The following TSPAN5 variants were observed in gnomAD, a reference collection of about 807,000 sequenced individuals.
TSPAN5 encodes the protein tetraspanin 5.
TSPAN5 carries 10 observed loss-of-function variants against 37.1 expected under a neutral mutation model. That is an observed-to-expected ratio of 0.27 (90% CI 0.17 to 0.46). The LOEUF (loss-of-function observed/expected upper bound fraction) is 0.46. Among genes scored for constraint, TSPAN5 ranks in the 20% least tolerant of loss-of-function variants. The pLI, the probability that TSPAN5 is intolerant of heterozygous loss-of-function variation, is 1.00. For missense variants in TSPAN5, 195 were observed against 326.6 expected (o/e 0.60, Z 3.11); for synonymous variants, 110 against 118.9 (o/e 0.93, Z 0.48).
chr4:98,515,993 G>T (rs148783739), intron 1 of TSPAN5, among the ~76,000 whole-genome samples: 1 of 152,216 alleles, frequency 6.6e-6, no homozygotes, highest in East Asian at 1.9e-4. Context: ...TTTCCTCTCC[G>T]TAACCTTATT....
intron 1 of TSPAN5, among the ~76,000 whole-genome samples, chr4:98,551,906 G>A (rs1019346609): frequency 2.6e-5 from 4 of 152,050 alleles, no homozygotes; most frequent in Non-Finnish European, 1.5e-5. Context: ...TCATTGGTCT[G>A]TGCAGGGCTT....
intron 1 of TSPAN5, among the ~76,000 whole-genome samples, chr4:98,514,679 C>G (rs1459210864): frequency 6.6e-6 from 1 of 152,158 alleles, no homozygotes; most frequent in Non-Finnish European, 1.5e-5. Context: ...GTGCACTCTG[C>G]CTGCTGAACC....
chr4:98,503,814 G>A (rs1753412017), intron 2 of TSPAN5, among the ~76,000 whole-genome samples: 1 of 152,176 alleles, frequency 6.6e-6, no homozygotes, highest in Non-Finnish European at 1.5e-5. Flanking sequence ...CTCAATAAAT[G>A]TTATCTGAAT....
intron 1 of TSPAN5, among the ~76,000 whole-genome samples, chr4:98,526,481 T>C (rs1753965527): frequency 6.6e-6 from 1 of 152,184 alleles, no homozygotes; most frequent in Non-Finnish European, 1.5e-5. Context: ...AGGGCTTCAG[T>C]GGGCAGGACA....
chr4:98,537,599 A>G (rs1324816456), intron 1 of TSPAN5, among the ~76,000 whole-genome samples: 1 of 152,196 alleles, frequency 6.6e-6, no homozygotes, highest in Non-Finnish European at 1.5e-5. Context: ...AGGTGTAATG[A>G]GCTTAGGTAA....
chr4:98,618,016 A>C (rs1756378337), intron 1 of TSPAN5, among the ~76,000 whole-genome samples: 1 of 152,226 alleles, frequency 6.6e-6, no homozygotes, highest in Non-Finnish European at 1.5e-5. Flanking sequence ...TCTGAACAGA[A>C]GGTGTGGAGC....
At chr4:98,565,464 C>T (rs1754982730) in intron 1 of TSPAN5, among the ~76,000 whole-genome samples, 1 of 152,060 alleles carries the variant, frequency 6.6e-6, no homozygotes. Context: ...AAAATATACA[C>T]AGTAGACCAC....
At chr4:98,561,238 A>G (rs1252047367) in intron 1 of TSPAN5, among the ~76,000 whole-genome samples, 1 of 152,262 alleles carries the variant, frequency 6.6e-6, no homozygotes, top group African/African-American at 2.4e-5. Flanking sequence ...TAACGTGGAA[A>G]GGGCCTGGGC....
chr4:98,629,976 G>A (rs920821756), intron 1 of TSPAN5, among the ~76,000 whole-genome samples: 14 of 152,276 alleles, frequency 9.2e-5, no homozygotes, highest in African/African-American at 3.4e-4. Flanking sequence ...ACATAACCAG[G>A]TAATAATAAT....
intron 1 of TSPAN5, among the ~76,000 whole-genome samples, chr4:98,611,798 G>A (rs1442176998): frequency 6.6e-6 from 1 of 152,218 alleles, no homozygotes; most frequent in Non-Finnish European, 1.5e-5. Context: ...GTCAAGAAAT[G>A]GGCCTGGTGA....
intron 1 of TSPAN5, among the ~76,000 whole-genome samples, chr4:98,603,767 A>G (rs1297343283): frequency 1.3e-5 from 2 of 152,168 alleles, no homozygotes; most frequent in Admixed American, 1.3e-4. Flanking sequence ...CTCCTTCACA[A>G]TGGAAAATAA....
At chr4:98,498,925 G>A (rs1161824552) in intron 2 of TSPAN5, among the ~76,000 whole-genome samples, 1 of 152,192 alleles carries the variant, frequency 6.6e-6, no homozygotes, top group Non-Finnish European at 1.5e-5. Flanking sequence ...GTATGTCCTG[G>A]AGAAAACACG....
intron 1 of TSPAN5, among the ~76,000 whole-genome samples, chr4:98,657,310 G>T (rs1012804939): frequency 1.2e-4 from 19 of 152,146 alleles, no homozygotes; most frequent in African/African-American, 3.9e-4. Flanking sequence ...TTGTGTTAAA[G>T]CATTTGCTCT....
chr4:98,628,490 A>C (rs114422976), intron 1 of TSPAN5, among the ~76,000 whole-genome samples: 2,711 of 152,244 alleles, frequency 0.018, 99 homozygotes, highest in African/African-American at 0.061. Flanking sequence ...TTTTCTTCCA[A>C]ATTATTAAAG....
chr4:98,574,006 G>A (rs1041336862), intron 1 of TSPAN5, among the ~76,000 whole-genome samples: 1 of 152,126 alleles, frequency 6.6e-6, no homozygotes, highest in Non-Finnish European at 1.5e-5. Flanking sequence ...CGCATCAACT[G>A]TATTTACAAA....
At chr4:98,491,023 C>T (rs1238266295) in intron 2 of TSPAN5, among the ~76,000 whole-genome samples, 1 of 151,972 alleles carries the variant, frequency 6.6e-6, no homozygotes, top group African/African-American at 2.4e-5. Flanking sequence ...TATCGCACCA[C>T]TGCACTCCAG....
chr4:98,473,120 G>A (rs1367832924), intron 7 of TSPAN5, among the ~76,000 whole-genome samples: 1 of 152,168 alleles, frequency 6.6e-6, no homozygotes, highest in African/African-American at 2.4e-5. Flanking sequence ...TGGCAATTAT[G>A]AATAATTCTG....
chr4:98,540,950 T>G lies in TSPAN5; in HGVS notation c.82-33222A>C, dbSNP rs376676484. Among the ~76,000 whole-genome samples the G allele has an allele frequency of 8.5e-4, 130 of 152,326 alleles. 1 individual carries two copies. Among genetic ancestry groups the G allele is most frequent in the African/African-American group, 2.9e-3 (122 of 41,578 alleles). ...GCCAAGAAAACTGTGGTTAAACAAC[T>G]GCACAGGATGAACAATTAGCACGGC... On this transcript the variant is annotated intron_variant, in intron 1 of 7. Coordinates refer to ENST00000305798, the MANE Select transcript of TSPAN5 (RefSeq NM_005723.4).
At chr4:98,644,469 T>C (rs1017229600) in intron 1 of TSPAN5, among the ~76,000 whole-genome samples, 4 of 152,158 alleles carry the variant, frequency 2.6e-5, no homozygotes, top group African/African-American at 4.8e-5. Flanking sequence ...AAAAGCAATA[T>C]TGATGTTCCC....
Sources: allele counts gnomAD v4.1 joint callset (sites outside exome capture counted in the v4.1 genomes callset), GRCh38; gene constraint gnomAD v4.1.1; transcripts MANE v1.5; gene names NCBI Gene and HGNC (gene_info 2026-07-23, HGNC 2026-07-21).